AGBL4: variants seen among roughly 807,000 people sequenced by gnomAD.
The protein encoded by AGBL4 is cytosolic carboxypeptidase 6.
In AGBL4, 58 loss-of-function variants were observed where a neutral mutation model predicts 66.4. The ratio of observed to expected loss-of-function variants is 0.87; its 90% confidence interval spans 0.71 to 1.09. The LOEUF is 1.09. Ranked by LOEUF, AGBL4 falls within the 50% of genes least tolerant of loss-of-function variation. The pLI, the probability that AGBL4 is intolerant of heterozygous loss-of-function variation, is 0.00. For missense variants in AGBL4, 579 were observed against 631.0 expected, an observed-to-expected ratio of 0.92 and a Z score of 0.88; for synonymous variants, 234 against 222.9, an observed-to-expected ratio of 1.05 and a Z score of -0.44.
At chr1:49,933,297 A>G (rs1571898885) in intron 1 of AGBL4, among the ~76,000 whole-genome samples, 1 of 152,138 alleles carries the variant, frequency 6.6e-6, no homozygotes, top group African/African-American at 2.4e-5. Context: ...GTCAACCAAG[A>G]ATACTATCCC....
chr1:49,742,992 CA>C (rs1477629278), intron 2 of AGBL4, among the ~76,000 whole-genome samples: 2 of 152,106 alleles, frequency 1.3e-5, no homozygotes, highest in African/African-American at 4.8e-5. Context: ...TAGGCATGGG[CA>C]AGGACTTCAT....
chr1:49,184,126 A>G (rs1354388125), intron 4 of AGBL4, among the ~76,000 whole-genome samples: 1 of 152,128 alleles, frequency 6.6e-6, no homozygotes, highest in Non-Finnish European at 1.5e-5. Context: ...CAGATGTAGA[A>G]CTCACTCTCA....
chr1:48,948,885 G>C (rs1353159142), intron 5 of AGBL4, among the ~76,000 whole-genome samples: 1 of 152,014 alleles, frequency 6.6e-6, no homozygotes, highest in Non-Finnish European at 1.5e-5. Context: ...AAAAAAAATT[G>C]AAAGGATGTC....
intron 3 of AGBL4, among the ~76,000 whole-genome samples, chr1:49,391,752 G>A (rs1444108593): frequency 1.3e-5 from 2 of 151,880 alleles, no homozygotes; most frequent in Non-Finnish European, 2.9e-5. Flanking sequence ...TAGTGGAGAT[G>A]GGGTTTCACT....
chr1:48,935,541 G>A (rs1456792339), intron 5 of AGBL4, among the ~76,000 whole-genome samples: 1 of 152,026 alleles, frequency 6.6e-6, no homozygotes. Flanking sequence ...TTTTCTAAGT[G>A]GTAATTTACC....
intron 5 of AGBL4, among the ~76,000 whole-genome samples, chr1:49,007,782 T>C (rs988249991): frequency 1.8e-4 from 27 of 151,758 alleles, no homozygotes; most frequent in Middle Eastern, 6.8e-3. Flanking sequence ...AAACTAAGCT[T>C]CAAAAGTGAA....
At chr1:48,918,530 A>C (rs1418594856) in intron 5 of AGBL4, among the ~76,000 whole-genome samples, 1 of 151,998 alleles carries the variant, frequency 6.6e-6, no homozygotes, top group Non-Finnish European at 1.5e-5. Flanking sequence ...GGCCTTTGGG[A>C]GGTAATTAGG....
chr1:48,652,696 C>G (rs2148441521), intron 8 of AGBL4, among the ~76,000 whole-genome samples: 1 of 152,276 alleles, frequency 6.6e-6, no homozygotes, highest in East Asian at 1.9e-4. Flanking sequence ...CTATCTATCT[C>G]AAATGAGTCG....
intron 4 of AGBL4, among the ~76,000 whole-genome samples, chr1:49,053,259 A>C (rs985018262): frequency 1.3e-5 from 2 of 152,210 alleles, no homozygotes; most frequent in African/African-American, 2.4e-5. Flanking sequence ...ATATATGCTT[A>C]TTAACTAAAA....
chr1:48,584,325 C>T lies in AGBL4; in HGVS notation c.1267+2679G>A, dbSNP rs574988777. ...TCTGAAGTCCTTCAGCCCTAAGGGA[C>T]CACTTACAGCTTCTGCCCATACCTT... is the stretch of plus-strand genomic sequence containing the variant. On this transcript the variant is annotated intron_variant, in intron 11 of 13. Transcript: ENST00000371839. The T allele has an allele frequency of 2.0e-5, 3 of 152,274 alleles. No homozygotes were observed. The East Asian group carries it at 5.8e-4, about 29-fold the overall frequency. 9.4% of individuals were successfully genotyped at this position (152,274 alleles called of 1,614,324 possible).
chr1:49,389,536 G>A (rs1367679271), intron 3 of AGBL4, among the ~76,000 whole-genome samples: 3 of 152,066 alleles, frequency 2.0e-5, no homozygotes, highest in African/African-American at 2.4e-5. Context: ...TTGTTTTCTA[G>A]TCAAACACTG....
intron 1 of AGBL4, among the ~76,000 whole-genome samples, chr1:49,906,336 C>T (rs1650272598): frequency 6.6e-6 from 1 of 151,964 alleles, no homozygotes; most frequent in South Asian, 2.1e-4. Context: ...AAGAGTTCAC[C>T]GTACCAGAAG....
At chr1:49,146,741 G>A (rs1010364358) in intron 4 of AGBL4, among the ~76,000 whole-genome samples, 2 of 152,238 alleles carry the variant, frequency 1.3e-5, no homozygotes, top group Admixed American at 1.3e-4. Flanking sequence ...CAAGGAGCAT[G>A]ATGGGGCCTC....
intron 2 of AGBL4, among the ~76,000 whole-genome samples, chr1:49,762,741 T>C (rs1327074185): frequency 6.6e-6 from 1 of 152,202 alleles, no homozygotes; most frequent in Non-Finnish European, 1.5e-5. Flanking sequence ...TCCAGTTATT[T>C]GTTTTTCATT....
At chr1:49,698,243 C>A (rs1647023636) in intron 2 of AGBL4, among the ~76,000 whole-genome samples, 1 of 151,348 alleles carries the variant, frequency 6.6e-6, no homozygotes, top group Non-Finnish European at 1.5e-5. Flanking sequence ...TTAACCTCTT[C>A]CAACATCTGT....
chr1:49,184,602 G>A (rs1646983228), intron 4 of AGBL4, among the ~76,000 whole-genome samples: 1 of 152,148 alleles, frequency 6.6e-6, no homozygotes, highest in African/African-American at 2.4e-5. Context: ...GGGCAAAGAT[G>A]TCTCTCCCTA....
intron 3 of AGBL4, among the ~76,000 whole-genome samples, chr1:49,338,208 A>C (rs1484027763): frequency 1.3e-5 from 2 of 152,206 alleles, no homozygotes; most frequent in Admixed American, 1.3e-4. Context: ...AGGTGCTTGC[A>C]ATAGGAAATG....
chr1:48,895,161 A>G (rs1254454533), intron 5 of AGBL4, among the ~76,000 whole-genome samples: 1 of 152,210 alleles, frequency 6.6e-6, no homozygotes, highest in Non-Finnish European at 1.5e-5. Flanking sequence ...CCTTCTCCTG[A>G]AAATGCAGCA....
chr1:49,543,250 T>C, intron 3 of AGBL4, among the ~76,000 whole-genome samples: 1 of 152,112 alleles, frequency 6.6e-6, no homozygotes, highest in Non-Finnish European at 1.5e-5. Context: ...TCCCTTGTCA[T>C]ACTTGTGGAT....
Sources: allele counts gnomAD v4.1 joint callset (sites outside exome capture counted in the v4.1 genomes callset), GRCh38; gene constraint gnomAD v4.1.1; transcripts MANE v1.5; gene names NCBI Gene and HGNC (gene_info 2026-07-23, HGNC 2026-07-21).